DPP10: variants seen among roughly 807,000 people sequenced by gnomAD.
DPP10 encodes the protein dipeptidyl peptidase like 10, also known as inactive dipeptidyl peptidase 10.
In DPP10, 33 loss-of-function variants were observed where a neutral mutation model predicts 120.9. The ratio of observed to expected loss-of-function variants is 0.27; its 90% CI spans 0.21 to 0.37. The LOEUF is 0.37. Ranked by LOEUF, DPP10 falls within the 10% of genes least tolerant of loss-of-function variation. The pLI, the probability that DPP10 is intolerant of heterozygous loss-of-function variation, is 1.00. For synonymous variants in DPP10, 337 were observed against 326.1 expected (o/e 1.03, Z -0.36); for missense variants, 816 against 942.8 (o/e 0.87, Z 1.76).
At chr2:115,199,141 T>G (rs1025765717) in intron 1 of DPP10, among the ~76,000 whole-genome samples, 1 of 152,148 alleles carries the variant, frequency 6.6e-6, no homozygotes, top group African/African-American at 2.4e-5. Context: ...ACAAATGTTA[T>G]TAATTTAATA....
At position 115,058,460 on chromosome 2, in the gene DPP10, C is replaced by T. The variant is rs573591492; in HGVS notation, c.61-250779C>T. Among the ~76,000 whole-genome samples, 12 of 152,230 alleles carry T rather than the reference C, an allele frequency of 7.9e-5. No homozygotes were observed. The East Asian group carries it at 1.5e-3, about 20-fold the overall frequency. ...GGTCTCCCAAACTAGACTGCAGTGGCGCGATCTCGGTTCACTGCAACCTCC... is the reference window on the plus strand; with the variant it reads ...GGTCTCCCAAACTAGACTGCAGTGGTGCGATCTCGGTTCACTGCAACCTCC... On this transcript the variant is annotated intron_variant, in intron 1 of 25. Transcript: ENST00000410059.
intron 10 of DPP10, chr2:115,750,300 G>T: frequency 4.3e-6 from 3 of 693,700 alleles, no homozygotes; most frequent in Non-Finnish European, 5.3e-6. Flanking sequence ...GGCTCCTGGG[G>T]CAAGGAAAGA....
At chr2:115,351,125 G>A (rs2064003923) in intron 3 of DPP10, among the ~76,000 whole-genome samples, 1 of 152,044 alleles carries the variant, frequency 6.6e-6, no homozygotes, top group Non-Finnish European at 1.5e-5. Flanking sequence ...CAACCTAGGT[G>A]CCCCAAAATG....
At chr2:115,239,938 T>C (rs191268632) in intron 1 of DPP10, among the ~76,000 whole-genome samples, 37 of 152,322 alleles carry the variant, frequency 2.4e-4, no homozygotes, top group African/African-American at 8.2e-4. Context: ...GAACTCATCC[T>C]TTTTTATGGT....
intron 8 of DPP10, among the ~76,000 whole-genome samples, chr2:115,731,217 G>GCATTTTTTTC (rs371577945): frequency 2.3e-4 from 35 of 152,214 alleles, no homozygotes; most frequent in African/African-American, 7.9e-4. Flanking sequence ...AATTAGCTGG[G>GCATTTTTTTC]CATGCTGGTG....
intron 1 of DPP10, among the ~76,000 whole-genome samples, chr2:114,637,588 G>T (rs1045691904): frequency 2.0e-5 from 3 of 151,796 alleles, no homozygotes; most frequent in African/African-American, 4.9e-5. Flanking sequence ...GTATTTTCTA[G>T]GTTTTCTTCT....
At chr2:115,199,336 A>G (rs1360518404) in intron 1 of DPP10, among the ~76,000 whole-genome samples, 1 of 151,820 alleles carries the variant, frequency 6.6e-6, no homozygotes, top group Non-Finnish European at 1.5e-5. Context: ...TGGGGATTTT[A>G]GTATATGTAG....
chr2:115,815,373 T>C (rs1429754849), intron 20 of DPP10, among the ~76,000 whole-genome samples: 1 of 152,184 alleles, frequency 6.6e-6, no homozygotes, highest in Non-Finnish European at 1.5e-5. Context: ...TAGTGGGTTC[T>C]TTATAATAGC....
intron 4 of DPP10, among the ~76,000 whole-genome samples, chr2:115,504,772 A>G (rs2076858718): frequency 6.6e-6 from 1 of 152,134 alleles, no homozygotes; most frequent in Admixed American, 6.6e-5. Flanking sequence ...AGTTAGATAT[A>G]TGTGAAAGTG....
intron 3 of DPP10, among the ~76,000 whole-genome samples, chr2:115,469,219 A>T (rs2074529649): frequency 6.6e-6 from 1 of 152,202 alleles, no homozygotes; most frequent in Non-Finnish European, 1.5e-5. Flanking sequence ...TAGGAAAGTG[A>T]AATATAAAGT....
intron 1 of DPP10, among the ~76,000 whole-genome samples, chr2:115,290,106 G>A (rs566188627): frequency 1.3e-5 from 2 of 152,032 alleles, no homozygotes; most frequent in East Asian, 1.9e-4. Flanking sequence ...ATCCAACAAA[G>A]GACTAATATC....
intron 1 of DPP10, among the ~76,000 whole-genome samples, chr2:114,680,244 CT>C (rs1553482317): frequency 6.6e-6 from 1 of 151,904 alleles, no homozygotes; most frequent in Non-Finnish European, 1.5e-5. Flanking sequence ...AGTGATGTCC[CT>C]TATGGGAAAC....
At chr2:114,576,940 C>T (rs1690101185) in intron 1 of DPP10, among the ~76,000 whole-genome samples, 1 of 151,292 alleles carries the variant, frequency 6.6e-6, no homozygotes, top group African/African-American at 2.4e-5. Flanking sequence ...TTGTTTTAGA[C>T]AAGAGGAAGG....
At chr2:115,452,166 T>C (rs1262185364) in intron 3 of DPP10, among the ~76,000 whole-genome samples, 2 of 151,964 alleles carry the variant, frequency 1.3e-5, no homozygotes, top group African/African-American at 4.8e-5. Context: ...TTTGTGATAA[T>C]TTACAGTGCA....
chr2:115,160,986 G>C (rs549402157), intron 1 of DPP10: 2 of 152,368 alleles, frequency 1.3e-5, no homozygotes, highest in Non-Finnish European at 2.9e-5. Flanking sequence ...GAAAGGAAAG[G>C]CTGGGAGGAC....
chr2:114,514,754 A>G (rs1405683986), intron 1 of DPP10, among the ~76,000 whole-genome samples: 2 of 151,374 alleles, frequency 1.3e-5, no homozygotes, highest in South Asian at 2.1e-4. Context: ...TAACTGGGAA[A>G]GATCTTTTTT....
At chr2:114,491,639 T>C (rs1193774587) in intron 1 of DPP10, among the ~76,000 whole-genome samples, 1 of 152,242 alleles carries the variant, frequency 6.6e-6, no homozygotes, top group Non-Finnish European at 1.5e-5. Flanking sequence ...CTCCACCAGA[T>C]ACTGCATTTC....
intron 1 of DPP10, among the ~76,000 whole-genome samples, chr2:114,969,268 A>C (rs1699239702): frequency 1.3e-5 from 2 of 152,204 alleles, no homozygotes; most frequent in African/African-American, 4.8e-5. Context: ...ACAGAACTAC[A>C]TAATACTCTA....
intron 1 of DPP10, among the ~76,000 whole-genome samples, chr2:115,296,276 G>T (rs980593029): frequency 2.0e-5 from 3 of 152,072 alleles, no homozygotes; most frequent in African/African-American, 7.2e-5. Flanking sequence ...GCCTCTAAAG[G>T]TCGGTGGTGT....
Sources: allele counts gnomAD v4.1 joint callset (sites outside exome capture counted in the v4.1 genomes callset), GRCh38; gene constraint gnomAD v4.1.1; transcripts MANE v1.5; gene names NCBI Gene and HGNC (gene_info 2026-07-23, HGNC 2026-07-21).